Variants in SLC4A8 observed in about 807,000 individuals in gnomAD.
SLC4A8 encodes electroneutral sodium bicarbonate exchanger 1.
Under a neutral mutation model 125.0 loss-of-function variants are expected in SLC4A8, and 40 were observed. The ratio of observed to expected loss-of-function variants is 0.32; its 90% CI spans 0.25 to 0.42. The LOEUF is 0.42. Ranked by LOEUF, SLC4A8 falls within the 10% of genes least tolerant of loss-of-function variation. SLC4A8 has a pLI of 1.00. For missense variants in SLC4A8, 863 were observed against 1,355.1 expected (o/e 0.64, Z 5.70); for synonymous variants, 456 against 476.0 (o/e 0.96, Z 0.55).
chr12:51,412,460 A>G (rs2137973277), intron 1 of SLC4A8, among the ~76,000 whole-genome samples: 1 of 152,314 alleles, frequency 6.6e-6, no homozygotes, highest in South Asian at 2.1e-4. Context: ...TCTTCTAGCT[A>G]TTTTGAAATA....
intron 17 of SLC4A8, among the ~76,000 whole-genome samples, chr12:51,486,523 A>T (rs1951165964): frequency 6.6e-6 from 1 of 152,224 alleles, no homozygotes; most frequent in South Asian, 2.1e-4. Flanking sequence ...CAAACAAATG[A>T]TCAATACATG....
intron 1 of SLC4A8, among the ~76,000 whole-genome samples, chr12:51,433,883 G>GTTTTTT (rs1949302739): frequency 4.2e-5 from 1 of 24,052 alleles, no homozygotes; most frequent in Admixed American, 4.9e-4. Context: ...TTTTTTGGTT[G>GTTTTTT]GTTTTTTTTT....
chr12:51,424,992 C>G lies in SLC4A8; in HGVS notation c.5C>G (p.Pro2Arg). 1.3e-6 allele frequency: 2 copies of G among 1,554,428 alleles called. No homozygotes were observed. The highest frequency in any genetic ancestry group is 2.4e-5 in the East Asian group (1 of 41,166). Residue 2 changes from proline (P) to arginine (R), a missense_variant, in exon 1 of 25, where the codon CCG becomes CGG. Physicochemically the swap from Pro to Arg is moderately radical, Grantham distance 103. Around this residue, in one of 6 missense-constraint regions of SLC4A8, gnomAD observed 104 missense variants for 116.4 expected, o/e 0.89. Coordinates refer to ENST00000453097, the MANE Select transcript of SLC4A8 (RefSeq NM_001039960.3). M[P>R]AAGSNEPDGV... is the part of the protein sequence containing the mutation. The stretch of plus-strand genomic sequence containing the variant: ...GAGACCTAGTTCGGCTCCGCCATGC[C>G]GGCCGCCGGGAGTAACGAGCCGGAC...
chr12:51,439,216 C>G (rs1949515379), intron 1 of SLC4A8, among the ~76,000 whole-genome samples: 1 of 152,056 alleles, frequency 6.6e-6, no homozygotes, highest in Non-Finnish European at 1.5e-5. Flanking sequence ...ACCACCACAC[C>G]CAGATAATTT....
chr12:51,460,233 G>T lies in SLC4A8; in HGVS notation c.1013+125G>T, dbSNP rs1020899284. ...TTTTAGGAATGGTGTTTACAATTCA[G>T]CAGAAAAGCCAGATGTGCTGGTGTG... is the stretch of plus-strand genomic sequence containing the variant. On this transcript the variant is annotated intron_variant, in intron 8 of 24. Transcript: ENST00000453097. 6 of 861,054 alleles carry T rather than the reference G, an allele frequency of 7.0e-6. No individual in the cohort carries two copies. The Admixed American group carries it at 8.3e-5, about 12-fold the overall frequency. 53.3% of individuals were successfully genotyped at this position (861,054 alleles called of 1,614,324 possible).
intron 2 of SLC4A8, among the ~76,000 whole-genome samples, chr12:51,448,890 G>A (rs1949874748): frequency 6.6e-6 from 1 of 152,284 alleles, no homozygotes; most frequent in Non-Finnish European, 1.5e-5. Context: ...GAAGTGGTTT[G>A]ATAAAGAAGG....
intron 2 of SLC4A8, among the ~76,000 whole-genome samples, chr12:51,441,617 C>T (rs1380275798): frequency 6.6e-6 from 1 of 152,186 alleles, no homozygotes; most frequent in Non-Finnish European, 1.5e-5. Context: ...CCACATTTGG[C>T]TCAAAAGCCT....
chr12:51,445,450 G>A (rs1210132313), intron 2 of SLC4A8, among the ~76,000 whole-genome samples: 3 of 152,134 alleles, frequency 2.0e-5, no homozygotes, highest in African/African-American at 7.2e-5. Flanking sequence ...TAACAGGTGT[G>A]GGCCGCTGTG....
chr12:51,393,226 T>C (rs1234925186), intron 1 of SLC4A8, among the ~76,000 whole-genome samples: 1 of 152,152 alleles, frequency 6.6e-6, no homozygotes, highest in East Asian at 1.9e-4. Flanking sequence ...GCTGTTCTCC[T>C]GCTTCAGCCT....
chr12:51,409,807 G>A (rs1182085110), intron 1 of SLC4A8, among the ~76,000 whole-genome samples: 2 of 152,234 alleles, frequency 1.3e-5, no homozygotes, highest in Non-Finnish European at 2.9e-5. Context: ...AAATACTCAT[G>A]AGGCGAGGTG....
At chr12:51,416,423 G>T (rs1331587070) in intron 1 of SLC4A8, among the ~76,000 whole-genome samples, 1 of 152,038 alleles carries the variant, frequency 6.6e-6, no homozygotes, top group African/African-American at 2.4e-5. Context: ...CAGGCAGATT[G>T]CTTGAAGCCA....
At chr12:51,473,926 T>C (rs1257569070) in intron 14 of SLC4A8, among the ~76,000 whole-genome samples, 1 of 152,216 alleles carries the variant, frequency 6.6e-6, no homozygotes, top group African/African-American at 2.4e-5. Context: ...TATTCAGGCT[T>C]GGAAGAAGTT....
intron 1 of SLC4A8, among the ~76,000 whole-genome samples, chr12:51,428,928 A>T (rs1477975162): frequency 2.0e-5 from 3 of 151,910 alleles, no homozygotes; most frequent in Non-Finnish European, 2.9e-5. Flanking sequence ...TTATTTTTTG[A>T]GATGGAGTTT....
At chr12:51,426,379 C>G (rs1339290830) in intron 1 of SLC4A8, among the ~76,000 whole-genome samples, 1 of 152,140 alleles carries the variant, frequency 6.6e-6, no homozygotes, top group Non-Finnish European at 1.5e-5. Context: ...TCTTGCCCTC[C>G]TGGAGCGTAT....
Position 51,465,979 on chromosome 12 carries a change from A to G in SLC4A8, c.1349+2265A>G, listed in dbSNP as rs117142218. Among the ~76,000 whole-genome samples the G allele has an allele frequency of 8.4e-3, 1,273 of 152,324 alleles. 10 individuals carry two copies. The highest frequency in any genetic ancestry group is 0.016 in the Non-Finnish European group (1,064 of 68,014). On this transcript the variant is annotated intron_variant, in intron 11 of 24. Transcript: ENST00000453097. Reference sequence around the variant, plus strand: ...ATTAGTTGTGTTTCTTGGAGATGCAAAACTGCTTTATGCTTGTCATGTTGC... The same window carrying G: ...ATTAGTTGTGTTTCTTGGAGATGCAGAACTGCTTTATGCTTGTCATGTTGC...
At position 51,440,683 on chromosome 12, in the gene SLC4A8, T is replaced by G. The variant is rs765810323; in HGVS notation, c.49-25T>G. On this transcript the variant is annotated intron_variant, in intron 1 of 24. Transcript: ENST00000453097. ...TTTGAACGAGGTATGTGTATTACTG[T>G]GACTACTTATTTGTGTTTAAACAGA... The G allele has an allele frequency of 8.2e-6, 13 of 1,588,584 alleles. No individual in the cohort carries two copies. In the South Asian group the frequency reaches 1.5e-4, roughly 18 times the overall value.
chr12:51,469,961 T>C (rs1950644331), intron 12 of SLC4A8, among the ~76,000 whole-genome samples, 173 bp downstream of exon 12: 1 of 152,190 alleles, frequency 6.6e-6, no homozygotes, highest in Admixed American at 6.5e-5. Context: ...GTCCTCTCTT[T>C]AGAACAGACT....
At chr12:51,491,737 G>GCACACACACACACACA (rs371323026) in intron 19 of SLC4A8, among the ~76,000 whole-genome samples, 1 of 126,918 alleles carries the variant, frequency 7.9e-6, no homozygotes, top group East Asian at 2.4e-4. Context: ...CTGGGGATGG[G>GCACACACACACACACA]CAGACACACA....
chr12:51,474,909 T>A, intron 15 of SLC4A8, 136 bp from the exon 16 acceptor site: 1 of 778,646 alleles, frequency 1.3e-6, no homozygotes. Context: ...CGCAACTGCA[T>A]AAAGGTCAAG....
Sources: allele counts gnomAD v4.1 joint callset (sites outside exome capture counted in the v4.1 genomes callset), GRCh38; gene constraint gnomAD v4.1.1; regional missense constraint gnomAD v4.1.1; transcripts MANE v1.5; gene names NCBI Gene and HGNC (gene_info 2026-07-23, HGNC 2026-07-21).